The following AP1G1 variants were observed in gnomAD, a reference collection of about 807,000 sequenced individuals.
The protein encoded by AP1G1 is adaptor related protein complex 1 subunit gamma 1, also known as AP-1 complex subunit gamma-1.
Under a neutral mutation model 108.3 loss-of-function variants are expected in AP1G1, and 7 were observed. The observed-to-expected ratio is 0.06, with a 90% CI of 0.04 to 0.12. The LOEUF (loss-of-function observed/expected upper bound fraction) is 0.12. AP1G1 is among the 10% of genes least tolerant of loss of function. The pLI is 1.00. For synonymous variants in AP1G1, 379 were observed against 353.5 expected, an observed-to-expected ratio of 1.07 and a Z score of -0.81; for missense variants, 756 against 1,010.7, an observed-to-expected ratio of 0.75 and a Z score of 3.42.
At chr16:71,750,435 G>A in intron 13 of AP1G1, 103 bp from the exon 14 acceptor site, 2 of 1,436,282 alleles carry the variant, frequency 1.4e-6, no homozygotes, top group South Asian at 1.3e-5. Context: ...CTTTTTTTGA[G>A]ACAGAGTCTC....
chr16:71,807,822 A>G, intron 1 of AP1G1: 1 of 1,289,388 alleles, frequency 7.8e-7, no homozygotes, highest in South Asian at 1.2e-5. Flanking sequence ...ATTTTTCTCC[A>G]TGGACAGATT....
chr16:71,734,696 C>T lies in AP1G1; in HGVS notation c.2280G>A (p.Leu760=). Residue 760 remains leucine (L), a synonymous_variant, in exon 22 of 23, where the codon CTG becomes CTA. Coordinates refer to ENST00000299980, the MANE Select transcript of AP1G1 (RefSeq NM_001128.6). ...TGCTGCTGCTAGGAGACAAGAGCTG[C>T]AGCTGGAATGTCTAGGGGGGAACAA... The part of the protein sequence containing the change: ...FQAAVPKTFQ[L]QLLSPSSSIV... 6.2e-7 allele frequency: 1 copy of T among 1,613,784 alleles called. No homozygotes were observed. Among genetic ancestry groups the T allele is most frequent in the East Asian group, 2.2e-5 (1 of 44,888 alleles).
Position 71,767,750 on chromosome 16 carries a change from T to C in AP1G1, c.642+1873A>G, listed in dbSNP as rs1597061818. ...AAGTTAGCCAAAGATGGTAGAACAATAACTCACAGTATTAAGCACAGCTTC... is the reference window on the plus strand; with the variant it reads ...AAGTTAGCCAAAGATGGTAGAACAACAACTCACAGTATTAAGCACAGCTTC... On this transcript the variant is annotated intron_variant, in intron 6 of 22. Coordinates refer to ENST00000299980, the MANE Select transcript of AP1G1 (RefSeq NM_001128.6). The C allele has an allele frequency of 1.2e-5, 11 of 915,506 alleles. No individual in the cohort carries two copies. The East Asian group carries it at 2.9e-4, about 24-fold the overall frequency. The allele number at this position is 915,506 out of a possible 1,614,324, so 56.7% of individuals were successfully genotyped here.
In AP1G1 at chr16:71,774,464, T is replaced by A; in HGVS notation, c.326+4A>T. 8 of 1,591,440 alleles carry A rather than the reference T, an allele frequency of 5.0e-6. No individual in the cohort carries two copies. Among genetic ancestry groups the A allele is most frequent in the Non-Finnish European group, 6.8e-6 (8 of 1,174,650 alleles). On this transcript the variant is annotated splice_donor_region_variant and intron_variant, in intron 3 of 22. Transcript: ENST00000299980. ...TTGTTAGAAGAAAGAAAAGTAAGACTTACTTCTTGATACAGTTGGTCATGA... is the reference window on the plus strand; with the variant it reads ...TTGTTAGAAGAAAGAAAAGTAAGACATACTTCTTGATACAGTTGGTCATGA...
intron 19 of AP1G1, chr16:71,743,278 C>T (rs1302189018): frequency 6.6e-6 from 1 of 151,302 alleles, no homozygotes; most frequent in African/African-American, 2.4e-5. Context: ...AAATCCTATA[C>T]TCTGTGACTC....
At chr16:71,787,133 A>G (rs1427162003) in intron 2 of AP1G1, among the ~76,000 whole-genome samples, 1 of 151,940 alleles carries the variant, frequency 6.6e-6, no homozygotes, top group East Asian at 1.9e-4. Context: ...AGCCTGGCCA[A>G]TATGGTAACA....
intron 1 of AP1G1, among the ~76,000 whole-genome samples, chr16:71,802,201 A>T (rs1314451358): frequency 6.6e-6 from 1 of 151,272 alleles, no homozygotes; most frequent in Non-Finnish European, 1.5e-5. Flanking sequence ...GAACCTATTT[A>T]ACTAAACCTC....
chr16:71,747,489 A>T (rs2030243610), intron 16 of AP1G1: 1 of 152,084 alleles, frequency 6.6e-6, no homozygotes, highest in Non-Finnish European at 1.5e-5. Flanking sequence ...CTGAGGCAGG[A>T]GAATTGCTTG....
intron 6 of AP1G1, among the ~76,000 whole-genome samples, chr16:71,768,738 A>C (rs1231613003): frequency 6.8e-6 from 1 of 147,410 alleles, no homozygotes; most frequent in Non-Finnish European, 1.5e-5. Context: ...ACACAGTGAA[A>C]CCCTGACTCT....
Position 71,750,349 on chromosome 16 carries a change from A to T in AP1G1, c.1285-17T>A. 2 of 1,613,278 alleles carry T rather than the reference A, an allele frequency of 1.2e-6. No homozygotes were observed. The highest frequency in any genetic ancestry group is 1.7e-6 in the Non-Finnish European group (2 of 1,179,768). On this transcript the variant is annotated splice_polypyrimidine_tract_variant and intron_variant, in intron 13 of 22. Transcript: ENST00000299980. ...ACTTCCTGCCTAAAAGGAAATGCAG[A>T]CAATTACCCCTAGAAACACACAGAA... is the stretch of plus-strand genomic sequence containing the variant.
chr16:71,762,706 C>T (rs1010035872), intron 9 of AP1G1, among the ~76,000 whole-genome samples: 4 of 152,164 alleles, frequency 2.6e-5, no homozygotes, highest in African/African-American at 9.7e-5. Context: ...CATGCCTTGC[C>T]CTATGCATCT....
At chr16:71,795,424 C>T (rs1171051735) in intron 1 of AP1G1, among the ~76,000 whole-genome samples, 2 of 152,162 alleles carry the variant, frequency 1.3e-5, no homozygotes, top group Non-Finnish European at 2.9e-5. Flanking sequence ...TTAACTTCAC[C>T]ATTGACTACT....
chr16:71,758,275 T>C (rs977814407), intron 11 of AP1G1: 8 of 366,724 alleles, frequency 2.2e-5, no homozygotes, highest in Non-Finnish European at 3.8e-5. Context: ...CCAGTAGAAT[T>C]ACTCCACTGA....
intron 2 of AP1G1, among the ~76,000 whole-genome samples, chr16:71,779,779 T>C (rs898271742): frequency 2.6e-5 from 4 of 152,262 alleles, no homozygotes; most frequent in South Asian, 2.1e-4. Context: ...CGGTTACCCC[T>C]GGATAAAAGC....
Position 71,776,521 on chromosome 16 carries a change from T to C in AP1G1, c.202-1929A>G, listed in dbSNP as rs567965155. On this transcript the variant is annotated intron_variant, in intron 2 of 22. Transcript: ENST00000299980. The stretch of plus-strand genomic sequence containing the variant: ...ATGAGAAAATCAGAAGCTAAAATAT[T>C]ATCAAACAAACCTTACTCTTTTTCA... Among the ~76,000 whole-genome samples, 10 of 152,310 alleles carry C rather than the reference T, an allele frequency of 6.6e-5. No individual in the cohort carries two copies. In the South Asian group the frequency reaches 1.9e-3, roughly 28 times the overall value.
At position 71,739,287 on chromosome 16, in the gene AP1G1, G is replaced by T. The variant is rs904763; in HGVS notation, c.2054C>A (p.Pro685His). 0.21 allele frequency: 331,640 copies of T among 1,612,400 alleles called. 39,759 individuals carry two copies. Among genetic ancestry groups the T allele is most frequent in the South Asian group, 0.49 (44,664 of 90,754 alleles). Reference protein sequence around the residue: ...PASVPQISQPPFLLDGLSSQP... With the variant: ...PASVPQISQPHFLLDGLSSQP... ...TGATGAAAGCCCATCCAACAAGAAG[G>T]GGGGCTGGGATATCTGTGGGACTGA... Residue 685 changes from proline to histidine, a missense_variant, in exon 20 of 23, where the codon CCC becomes CAC. Pro to His is a moderately conservative substitution (Grantham distance 77). Transcript: ENST00000299980.
At chr16:71,800,647 G>A (rs1232820561) in intron 1 of AP1G1, among the ~76,000 whole-genome samples, 6 of 146,162 alleles carry the variant, frequency 4.1e-5, no homozygotes, top group Admixed American at 2.0e-4. Context: ...TAAAAATACA[G>A]AACATTAGCC....
chr16:71,789,151 A>G, intron 2 of AP1G1, 128 bp downstream of exon 2: 1 of 837,806 alleles, frequency 1.2e-6, no homozygotes, highest in Non-Finnish European at 1.9e-6. Context: ...TCTCAATCTT[A>G]CCCTCAGTTC....
chr16:71,741,896 A>C (rs936512774), intron 19 of AP1G1, among the ~76,000 whole-genome samples: 1 of 152,208 alleles, frequency 6.6e-6, no homozygotes, highest in Admixed American at 6.5e-5. Flanking sequence ...TTGTCCTGTA[A>C]AAGTATAGCA....
Sources: allele counts gnomAD v4.1 joint callset (sites outside exome capture counted in the v4.1 genomes callset), GRCh38; gene constraint gnomAD v4.1.1; transcripts MANE v1.5; gene names NCBI Gene and HGNC (gene_info 2026-07-23, HGNC 2026-07-21).